The following NR6A1 variants were observed in gnomAD, a reference collection of about 807,000 sequenced individuals.
The protein encoded by NR6A1 is nuclear receptor subfamily 6 group A member 1.
Under a neutral mutation model 59.1 loss-of-function variants are expected in NR6A1, and 7 were observed. That is an observed-to-expected ratio of 0.12 (90% confidence interval 0.07 to 0.22). NR6A1 has a LOEUF of 0.22. NR6A1 is among the 10% of genes least tolerant of loss of function. The probability of loss-of-function intolerance (pLI) is 1.00; values close to 1 mark genes in which losing one functional copy is unlikely to be tolerated. For missense variants in NR6A1, 468 were observed against 611.6 expected, an observed-to-expected ratio of 0.77 and a Z score of 2.48; for synonymous variants, 243 against 236.1, an observed-to-expected ratio of 1.03 and a Z score of -0.27.
intron 2 of NR6A1, among the ~76,000 whole-genome samples, chr9:124,704,409 T>C (rs1156683212): frequency 6.6e-6 from 1 of 152,162 alleles, no homozygotes; most frequent in African/African-American, 2.4e-5. Context: ...CTTCAGATGT[T>C]TGTTGCTGTT....
chr9:124,614,396 G>A (rs182964355), intron 2 of NR6A1, among the ~76,000 whole-genome samples: 3 of 152,202 alleles, frequency 2.0e-5, no homozygotes, highest in Non-Finnish European at 2.9e-5. Context: ...TTCAAAGTTA[G>A]AGAATTTATT....
intron 1 of NR6A1, among the ~76,000 whole-genome samples, chr9:124,744,493 G>C (rs1380997499): frequency 6.6e-6 from 1 of 152,184 alleles, no homozygotes; most frequent in African/African-American, 2.4e-5. Flanking sequence ...TCTATTGAAA[G>C]CATCTTGACT....
chr9:124,641,778 C>G (rs1177327923), intron 2 of NR6A1, among the ~76,000 whole-genome samples: 1 of 152,194 alleles, frequency 6.6e-6, no homozygotes. Context: ...AAATGCCAGG[C>G]TGGGAAACTA....
intron 2 of NR6A1, among the ~76,000 whole-genome samples, chr9:124,705,048 T>A (rs1202131737): frequency 1.3e-5 from 2 of 152,244 alleles, no homozygotes; most frequent in East Asian, 3.8e-4. Flanking sequence ...GTTAAAAGTA[T>A]TTTAAAATTT....
intron 1 of NR6A1, among the ~76,000 whole-genome samples, chr9:124,767,311 G>A (rs1840962398): frequency 6.6e-6 from 1 of 152,060 alleles, no homozygotes; most frequent in Admixed American, 6.6e-5. Flanking sequence ...ACGGAAGTCA[G>A]AATGAATTAT....
At chr9:124,523,122 T>C (rs1045164318) in intron 9 of NR6A1, among the ~76,000 whole-genome samples, 4 of 152,170 alleles carry the variant, frequency 2.6e-5, no homozygotes, top group Non-Finnish European at 5.9e-5. Context: ...ATTTTATAGA[T>C]AAGGAAGCTG....
At chr9:124,608,418 T>C (rs1246275866) in intron 2 of NR6A1, among the ~76,000 whole-genome samples, 3 of 152,160 alleles carry the variant, frequency 2.0e-5, no homozygotes, top group South Asian at 4.1e-4. Context: ...CTATGTTAGT[T>C]TGCTGAGGAT....
At chr9:124,661,879 G>A (rs1470143617) in intron 2 of NR6A1, among the ~76,000 whole-genome samples, 1 of 152,114 alleles carries the variant, frequency 6.6e-6, no homozygotes, top group Non-Finnish European at 1.5e-5. Flanking sequence ...TATCATATGG[G>A]ATAGCCCAGA....
At chr9:124,721,454 G>A (rs189890165) in intron 2 of NR6A1, among the ~76,000 whole-genome samples, 12 of 152,328 alleles carry the variant, frequency 7.9e-5, no homozygotes, top group Admixed American at 4.6e-4. Flanking sequence ...ATCAACTGAA[G>A]CTTTGGAAGC....
At chr9:124,758,403 G>T (rs1172617753) in intron 1 of NR6A1, among the ~76,000 whole-genome samples, 1 of 152,018 alleles carries the variant, frequency 6.6e-6, no homozygotes, top group African/African-American at 2.4e-5. Flanking sequence ...TTTAATCTTA[G>T]GAAGACAGCA....
At chr9:124,526,690 G>C in intron 8 of NR6A1, 89 bp downstream of exon 8, 1 of 1,558,108 alleles carries the variant, frequency 6.4e-7, no homozygotes, top group Non-Finnish European at 8.8e-7. Flanking sequence ...TGATAGTCCT[G>C]AGGGTAAGGA....
rs919682197 is a variant in NR6A1, at chr9:124,567,467, A to G, written c.143-12897T>C. 3.6e-4 allele frequency among the ~76,000 whole-genome samples: 55 copies of G among 152,308 alleles called. 1 individual carries two copies. Among genetic ancestry groups the G allele is most frequent in the Admixed American group, 2.9e-3 (44 of 15,292 alleles). Reference sequence around the variant, plus strand: ...CGAAGACTGCATTGTCAAATGCAACATCAAAACATATGAGGGCCAGGTGCG... The same window carrying G: ...CGAAGACTGCATTGTCAAATGCAACGTCAAAACATATGAGGGCCAGGTGCG... On this transcript the variant is annotated intron_variant, in intron 2 of 9. Transcript: ENST00000487099.
At chr9:124,559,602 C>T (rs572276142) in intron 2 of NR6A1, among the ~76,000 whole-genome samples, 1 of 152,010 alleles carries the variant, frequency 6.6e-6, no homozygotes, top group African/African-American at 2.4e-5. Flanking sequence ...ATGGCGAAAC[C>T]CCATCTCTAC....
At chr9:124,728,414 T>C (rs1364289861) in intron 2 of NR6A1, among the ~76,000 whole-genome samples, 11 of 151,764 alleles carry the variant, frequency 7.2e-5, no homozygotes, top group Non-Finnish European at 1.5e-4. Flanking sequence ...GGCAGGTGGA[T>C]CATGAGGTCA....
chr9:124,549,826 T>C lies in NR6A1; in HGVS notation c.385+4502A>G, dbSNP rs1173320907. Among the ~76,000 whole-genome samples, 4 of 152,212 alleles carry C rather than the reference T, an allele frequency of 2.6e-5. No homozygotes were observed. In the East Asian group the frequency reaches 5.8e-4, roughly 22 times the overall value. On this transcript the variant is annotated intron_variant, in intron 3 of 9. Transcript: ENST00000487099. ...ATCAAAACTAGGAAATTAACCTTGG[T>C]ACAATACTATTAACCAAAGTACATA...
intron 2 of NR6A1, among the ~76,000 whole-genome samples, chr9:124,730,400 A>C (rs559703332): frequency 2.0e-5 from 3 of 151,542 alleles, no homozygotes; most frequent in Non-Finnish European, 2.9e-5. Flanking sequence ...GATAATTTTT[A>C]AATTTTCTTT....
chr9:124,594,985 T>C (rs1835230750), intron 2 of NR6A1, among the ~76,000 whole-genome samples: 1 of 152,192 alleles, frequency 6.6e-6, no homozygotes, highest in African/African-American at 2.4e-5. Flanking sequence ...AAAACCAAAC[T>C]CTTGCAAACT....
intron 2 of NR6A1, among the ~76,000 whole-genome samples, chr9:124,641,912 A>C (rs1588734294): frequency 6.6e-6 from 1 of 152,356 alleles, no homozygotes; most frequent in South Asian, 2.1e-4. Flanking sequence ...ATAGGAGCTC[A>C]CTGTAATAGT....
At chr9:124,698,065 G>A (rs1838824558) in intron 2 of NR6A1, among the ~76,000 whole-genome samples, 1 of 152,158 alleles carries the variant, frequency 6.6e-6, no homozygotes, top group Admixed American at 6.5e-5. Flanking sequence ...AGTTCAAACA[G>A]ACTAGAAGCA....
Sources: gnomAD v4.1 joint callset for allele counts (sites outside exome capture counted in the v4.1 genomes callset) on GRCh38, gnomAD v4.1.1 for gene constraint, MANE v1.5 for transcripts, NCBI Gene and HGNC (gene_info 2026-07-23, HGNC 2026-07-21) for gene names.